Variants in LINGO1 observed in about 807,000 individuals in gnomAD.
LINGO1 encodes the protein leucine-rich repeat and immunoglobulin-like domain-containing nogo receptor-interacting protein 1.
Under a neutral mutation model 37.3 loss-of-function variants are expected in LINGO1, and 11 were observed. The ratio of observed to expected loss-of-function variants is 0.29; its 90% CI spans 0.19 to 0.49. LINGO1 has a LOEUF of 0.49. Ranked by LOEUF, LINGO1 falls within the 20% of genes least tolerant of loss-of-function variation. The pLI is 0.99. For synonymous variants in LINGO1, 387 were observed against 403.0 expected (o/e 0.96, Z 0.48); for missense variants, 585 against 878.2 (o/e 0.67, Z 4.22).
At chr15:77,816,983 G>C (rs1005106208) in intron 1 of LINGO1, among the ~76,000 whole-genome samples, 5 of 152,072 alleles carry the variant, frequency 3.3e-5, no homozygotes, top group African/African-American at 1.2e-4. Flanking sequence ...CTGAGAGAGA[G>C]AGAGAGAAGA....
chr15:77,746,182 T>C (rs946711350), intron 1 of LINGO1, among the ~76,000 whole-genome samples: 2 of 132,542 alleles, frequency 1.5e-5, no homozygotes, highest in African/African-American at 5.9e-5. Context: ...CACTCTAGCC[T>C]GGGAGAGAGA....
intron 2 of LINGO1, among the ~76,000 whole-genome samples, chr15:77,714,208 C>G (rs192254700): frequency 4.8e-4 from 73 of 152,302 alleles, no homozygotes; most frequent in Middle Eastern, 3.4e-3. Context: ...TCTCCATGAC[C>G]TTCTCCCTGT....
chr15:77,621,006 A>G (rs1302116746), intron 1 of LINGO1, among the ~76,000 whole-genome samples: 1 of 152,014 alleles, frequency 6.6e-6, no homozygotes. Flanking sequence ...TTCTTTAGAA[A>G]AGGGAAGGGA....
intron 2 of LINGO1, among the ~76,000 whole-genome samples, chr15:77,681,378 C>T (rs777412533): frequency 2.0e-4 from 31 of 152,120 alleles, no homozygotes; most frequent in Non-Finnish European, 4.0e-4. Context: ...GCAAGGATGG[C>T]TCCTGGCTAC....
intron 1 of LINGO1, among the ~76,000 whole-genome samples, chr15:77,813,395 G>C (rs2077021708): frequency 6.6e-6 from 1 of 152,206 alleles, no homozygotes; most frequent in Non-Finnish European, 1.5e-5. Context: ...GCTTAGGAGA[G>C]AGGGCTGGGG....
chr15:77,678,618 A>G (rs147437150), intron 2 of LINGO1, among the ~76,000 whole-genome samples: 150 of 152,362 alleles, frequency 9.8e-4, no homozygotes, highest in African/African-American at 3.4e-3. Flanking sequence ...TAAAGCCACT[A>G]TAAATATTCA....
chr15:77,788,869 C>T (rs1417062065), upstream of LINGO1, among the ~76,000 whole-genome samples: 1 of 152,136 alleles, frequency 6.6e-6, no homozygotes, highest in African/African-American at 2.4e-5. Flanking sequence ...TGGGAACCTG[C>T]CTTTCACCCA....
intron 3 of LINGO1, among the ~76,000 whole-genome samples, chr15:77,643,538 G>T (rs150270264): frequency 6.6e-6 from 1 of 152,334 alleles, no homozygotes; most frequent in South Asian, 2.1e-4. Flanking sequence ...CAGAGCTTCC[G>T]CAGGGGCTCT....
intron 1 of LINGO1, among the ~76,000 whole-genome samples, chr15:77,786,015 G>A (rs779313327): frequency 1.4e-4 from 21 of 152,156 alleles, no homozygotes; most frequent in Non-Finnish European, 2.5e-4. Context: ...CAACGCCTCC[G>A]TGAGGTAGGT....
intron 2 of LINGO1, among the ~76,000 whole-genome samples, chr15:77,705,335 G>A (rs930939525): frequency 6.6e-5 from 10 of 152,196 alleles, no homozygotes; most frequent in Admixed American, 6.5e-5. Flanking sequence ...AGGAAGGTGG[G>A]ATTCCTGGAA....
Position 77,614,920 on chromosome 15 carries a change from A to G in LINGO1, c.987T>C (p.Tyr329=). Residue 329 remains tyrosine (Y), a synonymous_variant, in exon 2 of 2, where the codon TAT becomes TAC. Coordinates refer to ENST00000355300, the MANE Select transcript of LINGO1 (RefSeq NM_032808.7). ...VGGQLAVVEP[Y]AFRGLNYLRV... ...GCAGGTAGTTGAGGCCGCGGAAGGC[A>G]TAGGGCTCCACCACGGCCAGCTGCC... The G allele has an allele frequency of 1.2e-6, 2 of 1,613,752 alleles. No homozygotes were observed. The highest frequency in any genetic ancestry group is 1.7e-6 in the Non-Finnish European group (2 of 1,179,832).
At chr15:77,819,036 G>A (rs2077072727) in intron 1 of LINGO1, among the ~76,000 whole-genome samples, 1 of 151,758 alleles carries the variant, frequency 6.6e-6, no homozygotes, top group Non-Finnish European at 1.5e-5. Context: ...GCAGCTGCAG[G>A]TAAGGGTGAG....
chr15:77,728,692 G>A (rs1439445567), intron 2 of LINGO1, among the ~76,000 whole-genome samples: 1 of 152,202 alleles, frequency 6.6e-6, no homozygotes, highest in African/African-American at 2.4e-5. Context: ...CCCTTGGGAG[G>A]AGCCATGAAG....
chr15:77,662,256 C>T (rs957170242), intron 3 of LINGO1, among the ~76,000 whole-genome samples: 1 of 152,230 alleles, frequency 6.6e-6, no homozygotes, highest in African/African-American at 2.4e-5. Flanking sequence ...CCTACCCCCA[C>T]CCCACCCTGC....
chr15:77,751,210 G>T (rs2076367987), intron 1 of LINGO1, among the ~76,000 whole-genome samples: 1 of 152,124 alleles, frequency 6.6e-6, no homozygotes, highest in Non-Finnish European at 1.5e-5. Flanking sequence ...CTCCCATTCA[G>T]GCCTCAGCTT....
intron 1 of LINGO1, among the ~76,000 whole-genome samples, chr15:77,737,916 G>A (rs533141263): frequency 6.6e-6 from 1 of 152,116 alleles, no homozygotes; most frequent in South Asian, 2.1e-4. Context: ...AACCCCTGCT[G>A]TGCCCCCAGG....
chr15:77,774,957 C>G (rs1401123269), intron 1 of LINGO1, among the ~76,000 whole-genome samples: 1 of 152,172 alleles, frequency 6.6e-6, no homozygotes, highest in Non-Finnish European at 1.5e-5. Context: ...ACAGCTCCAG[C>G]TAAATTCACA....
rs140142185 is a variant in LINGO1 at position 77,717,246 on chromosome 15, G to A, written c.-195+17746C>T. Among the ~76,000 whole-genome samples, 302 of 150,970 alleles carry A rather than the reference G, an allele frequency of 2.0e-3. 4 individuals carry two copies. The highest frequency in any genetic ancestry group is 6.9e-3 in the African/African-American group (287 of 41,510). On this transcript the variant is annotated intron_variant, in intron 2 of 3. Transcript: ENST00000561686. ...CTGCGCTCAGGTCCTGGAAGGAAAT[G>A]TTCCACTCGAAAGCATTAAGCGTCT...
intron 1 of LINGO1, among the ~76,000 whole-genome samples, chr15:77,756,805 C>T (rs1470564590): frequency 6.6e-6 from 1 of 152,198 alleles, no homozygotes; most frequent in Non-Finnish European, 1.5e-5. Flanking sequence ...ACTCTGCCTC[C>T]CTAGAGGGCA....
Sources: allele counts gnomAD v4.1 joint callset (sites outside exome capture counted in the v4.1 genomes callset), GRCh38; gene constraint gnomAD v4.1.1; transcripts MANE v1.5; gene names NCBI Gene and HGNC (gene_info 2026-07-23, HGNC 2026-07-21).